NEBL: variants seen among roughly 807,000 people sequenced by gnomAD.
NEBL encodes the protein nebulette, also known as LIM and SH3 protein 2.
Under a neutral mutation model 140.2 loss-of-function variants are expected in NEBL, and 122 were observed. That is an observed-to-expected ratio of 0.87 (90% CI 0.75 to 1.01). The LOEUF is 1.01. Ranked by LOEUF, NEBL falls within the 50% of genes least tolerant of loss-of-function variation. NEBL has a pLI of 0.00. For synonymous variants in NEBL, 436 were observed against 398.9 expected (o/e 1.09, Z -1.11); for missense variants, 1,365 against 1,231.3 (o/e 1.11, Z -1.62).
rs148669513 is a variant in NEBL at position 20,792,612 on chromosome 10, G to T, written c.2762-5304C>A. Among the ~76,000 whole-genome samples, 810 of 152,108 alleles carry T rather than the reference G, an allele frequency of 5.3e-3. 11 individuals are homozygous for T. The highest frequency in any genetic ancestry group is 0.018 in the African/African-American group (758 of 41,522). ...AGCTCAGGAGTTCGAGACCAGCCTG[G>T]CCAATATGGTGAAACCCCAACTCTA... On this transcript the variant is annotated intron_variant, in intron 26 of 27. Coordinates refer to ENST00000377122, the MANE Select transcript of NEBL (RefSeq NM_006393.3).
chr10:21,158,581 C>T (rs551534105), intron 2 of NEBL, among the ~76,000 whole-genome samples: 8 of 152,284 alleles, frequency 5.3e-5, no homozygotes, highest in Middle Eastern at 3.4e-3. Context: ...TTCACTCCCC[C>T]ACCACATCCG....
chr10:21,141,071 A>C (rs192413544), intron 2 of NEBL, among the ~76,000 whole-genome samples: 1 of 151,972 alleles, frequency 6.6e-6, no homozygotes, highest in Admixed American at 6.6e-5. Flanking sequence ...AAAAAAAAAA[A>C]AAACCTGCTC....
intron 4 of NEBL, among the ~76,000 whole-genome samples, chr10:20,929,905 T>G (rs1177022942): frequency 6.6e-6 from 1 of 152,134 alleles, no homozygotes; most frequent in African/African-American, 2.4e-5. Flanking sequence ...CACCTGTACC[T>G]TCTAAGTCTA....
At chr10:20,846,231 A>T (rs1455309189) in intron 11 of NEBL, among the ~76,000 whole-genome samples, 2 of 152,168 alleles carry the variant, frequency 1.3e-5, no homozygotes, top group Non-Finnish European at 2.9e-5. Flanking sequence ...ATATCTACTA[A>T]ACAAGGGCCC....
intron 3 of NEBL, among the ~76,000 whole-genome samples, chr10:20,964,915 A>G (rs1191644720): frequency 6.6e-6 from 1 of 152,228 alleles, no homozygotes; most frequent in Non-Finnish European, 1.5e-5. Context: ...TACAATCAAA[A>G]GAATTCTGAT....
intron 3 of NEBL, among the ~76,000 whole-genome samples, chr10:21,005,225 C>T (rs1838086641): frequency 6.6e-6 from 1 of 152,142 alleles, no homozygotes; most frequent in South Asian, 2.1e-4. Context: ...TAGTATATGA[C>T]ATAAAATAGA....
At chr10:21,092,586 TTAATAA>T (rs4025883) in intron 2 of NEBL, among the ~76,000 whole-genome samples, 57,594 of 141,872 alleles carry the variant, frequency 0.41, 12,876 homozygotes, top group Non-Finnish European at 0.5. Context: ...CCTCTATAAT[TTAATAA>T]TAATAATAAT....
At chr10:21,200,432 G>A (rs1437268453) in intron 3 of NEBL, among the ~76,000 whole-genome samples, 2 of 144,926 alleles carry the variant, frequency 1.4e-5, no homozygotes, top group Non-Finnish European at 3.0e-5. Context: ...TCCTGTCTCA[G>A]CCTCCTGAGT....
chr10:20,981,004 G>A (rs1207448960), intron 3 of NEBL, among the ~76,000 whole-genome samples: 1 of 152,084 alleles, frequency 6.6e-6, no homozygotes, highest in African/African-American at 2.4e-5. Flanking sequence ...TGCCCAGGCA[G>A]ATCTCAAACT....
At chr10:21,056,276 G>T (rs1223766107) in intron 2 of NEBL, among the ~76,000 whole-genome samples, 1 of 152,138 alleles carries the variant, frequency 6.6e-6, no homozygotes, top group Non-Finnish European at 1.5e-5. Context: ...CCTCTCTCTT[G>T]TTCATAAAAC....
At chr10:20,977,202 T>C (rs969614790) in intron 3 of NEBL, among the ~76,000 whole-genome samples, 1 of 152,112 alleles carries the variant, frequency 6.6e-6, no homozygotes, top group African/African-American at 2.4e-5. Flanking sequence ...AAGCCGGAAG[T>C]CAGCACGTCA....
chr10:21,189,392 A>C (rs1677155005), intron 3 of NEBL, among the ~76,000 whole-genome samples: 1 of 152,194 alleles, frequency 6.6e-6, no homozygotes, highest in South Asian at 2.1e-4. Flanking sequence ...GAGTATCCAG[A>C]CACCTTGATT....
At chr10:21,090,603 A>G (rs1836867201) in intron 2 of NEBL, among the ~76,000 whole-genome samples, 1 of 152,214 alleles carries the variant, frequency 6.6e-6, no homozygotes, top group Middle Eastern at 3.2e-3. Context: ...TTTATACAAT[A>G]AACAAATTAG....
chr10:21,110,675 C>A, intron 2 of NEBL: 1 of 459,100 alleles, frequency 2.2e-6, no homozygotes. Flanking sequence ...GCATATGCCA[C>A]CACCCCATGG....
At position 21,067,022 on chromosome 10, in the gene NEBL, T is replaced by G. The variant is rs143391322; in HGVS notation, c.165-46821A>C. 0.011 allele frequency among the ~76,000 whole-genome samples: 1,498 copies of G among 138,752 alleles called. 47 individuals carry two copies. The East Asian group carries it at 0.11, about 11-fold the overall frequency. 91.0% of individuals were successfully genotyped at this position (138,752 alleles called of 152,430 possible). ...GAGTCTTGCTGTGTTGCCCAGGCTG[T>G]AGTGCAGTGGCGCGATCTCCACTCA... is the stretch of plus-strand genomic sequence containing the variant. On this transcript the variant is annotated intron_variant, in intron 2 of 6. Transcript: ENST00000417816.
At chr10:21,094,555 T>G (rs1055600980) in intron 2 of NEBL, among the ~76,000 whole-genome samples, 109 of 133,380 alleles carry the variant, frequency 8.2e-4, no homozygotes, top group Middle Eastern at 9.4e-3. Context: ...GGTGGTGGAG[T>G]GCCTGTAATC....
At chr10:20,893,195 C>G (rs1330557500) in intron 2 of NEBL, among the ~76,000 whole-genome samples, 1 of 152,042 alleles carries the variant, frequency 6.6e-6, no homozygotes, top group Non-Finnish European at 1.5e-5. Flanking sequence ...CAAAAGATTC[C>G]CTTTTGCCCA....
intron 4 of NEBL, among the ~76,000 whole-genome samples, chr10:20,932,918 T>C (rs972690359): frequency 9.2e-5 from 14 of 152,228 alleles, no homozygotes; most frequent in African/African-American, 3.4e-4. Flanking sequence ...TGCCCTTGCA[T>C]TGATTTGAAT....
intron 3 of NEBL, among the ~76,000 whole-genome samples, chr10:21,228,222 C>T (rs1027828990): frequency 4.6e-5 from 7 of 151,858 alleles, no homozygotes; most frequent in East Asian, 1.9e-4. Flanking sequence ...GGGGCAATCA[C>T]GACTCACTAC....
Sources: gnomAD v4.1 joint callset for allele counts (sites outside exome capture counted in the v4.1 genomes callset) on GRCh38, gnomAD v4.1.1 for gene constraint, MANE v1.5 for transcripts, NCBI Gene and HGNC (gene_info 2026-07-23, HGNC 2026-07-21) for gene names.